Variants in ALS2 observed in about 807,000 individuals in gnomAD.
The protein encoded by ALS2 is alsin Rho guanine nucleotide exchange factor ALS2.
In ALS2, 117 loss-of-function variants were observed where a neutral mutation model predicts 203.4. The ratio of observed to expected loss-of-function variants is 0.58; its 90% CI spans 0.50 to 0.67. The LOEUF (loss-of-function observed/expected upper bound fraction) is 0.67, where lower values mean the gene tolerates loss of function less well. Ranked by LOEUF, ALS2 falls within the 30% of genes least tolerant of loss-of-function variation. The pLI, the probability that ALS2 is intolerant of heterozygous loss-of-function variation, is 0.00. For synonymous variants in ALS2, 718 were observed against 725.9 expected, an observed-to-expected ratio of 0.99 and a Z score of 0.17; for missense variants, 1,715 against 1,989.4, an observed-to-expected ratio of 0.86 and a Z score of 2.62.
chr2:201,720,350 G>C (rs1367413719), intron 23 of ALS2, among the ~76,000 whole-genome samples: 1 of 151,952 alleles, frequency 6.6e-6, no homozygotes, highest in Non-Finnish European at 1.5e-5. Context: ...CATATTAGTA[G>C]AATAAATGAT....
chr2:201,751,995 T>A (rs1693094731), intron 7 of ALS2, among the ~76,000 whole-genome samples: 1 of 152,200 alleles, frequency 6.6e-6, no homozygotes, highest in South Asian at 2.1e-4. Flanking sequence ...TCTGTTGCAT[T>A]GATCTGTTTA....
At position 201,741,506 on chromosome 2, in the gene ALS2, A is replaced by C. The variant is rs532517079; in HGVS notation, c.2351+168T>G. ...AATTTTTTTTCATTTAGAGAAGACT[A>C]AATTTTAGCAATCCAGAACTATAGT... On this transcript the variant is annotated intron_variant, in intron 11 of 33. Transcript: ENST00000264276. The C allele has an allele frequency of 1.7e-5, 12 of 701,918 alleles. 1 individual carries two copies. In the South Asian group the frequency reaches 2.1e-4, roughly 12 times the overall value. 43.5% of individuals were successfully genotyped at this position (701,918 alleles called of 1,614,324 possible). A position where few individuals can be genotyped will look rare whatever the true frequency, so the allele number is the denominator to read the frequency against.
intron 3 of ALS2, among the ~76,000 whole-genome samples, chr2:201,766,411 C>T (rs934384431): frequency 2.0e-5 from 3 of 151,494 alleles, no homozygotes; most frequent in Admixed American, 1.3e-4. Flanking sequence ...TTTGGGAGGT[C>T]GAGGCGGGTG....
intron 1 of ALS2, among the ~76,000 whole-genome samples, chr2:201,779,053 T>G (rs1694781623): frequency 6.6e-6 from 1 of 152,172 alleles, no homozygotes; most frequent in Non-Finnish European, 1.5e-5. Flanking sequence ...GGTAGGAGAT[T>G]CCACCTAATT....
chr2:201,750,420 G>C (rs564615580), intron 7 of ALS2, among the ~76,000 whole-genome samples: 1 of 152,126 alleles, frequency 6.6e-6, no homozygotes, highest in Admixed American at 6.5e-5. Context: ...AGGAATTATC[G>C]TATACTGCCT....
Position 201,754,499 on chromosome 2 carries a change from T to C in ALS2, c.1640+4A>G. Reference sequence around the variant, plus strand: ...TTCTATCGGTAAATGTTGGTAGCGCTTACCTAGGCAGAACATCGCCGTGCC... The same window carrying C: ...TTCTATCGGTAAATGTTGGTAGCGCCTACCTAGGCAGAACATCGCCGTGCC... On this transcript the variant is annotated splice_donor_region_variant and intron_variant, in intron 6 of 33. Transcript: ENST00000264276. The C allele has an allele frequency of 6.2e-7, 1 of 1,614,022 alleles. No individual in the cohort carries two copies. The highest frequency in any genetic ancestry group is 8.5e-7 in the Non-Finnish European group (1 of 1,179,956).
In ALS2 at chr2:201,741,839, G is replaced by T. The variant is rs1404094769; in HGVS notation, c.2186C>A (p.Thr729Lys). The change falls in exon 11 of 34, where the codon ACA becomes AAA. Residue 729 changes from threonine to lysine, a missense_variant. This residue lies in a region of ALS2 where 1,227 missense variants were observed against 1,413.5 expected (regional missense o/e 0.87). Transcript: ENST00000264276. ...PLLSLENLGTTTTVQLLQEVA... is the reference protein window; with the variant it reads ...PLLSLENLGTKTTVQLLQEVA... ...CTCCTGCAACAGCTGGACTGTAGTTGTAGTGCCCAAATTTTCTATAACAAA... is the reference window on the plus strand; with the variant it reads ...CTCCTGCAACAGCTGGACTGTAGTTTTAGTGCCCAAATTTTCTATAACAAA... 9.3e-6 allele frequency: 15 copies of T among 1,613,680 alleles called. No individual in the cohort carries two copies. Among genetic ancestry groups the T allele is most frequent in the Non-Finnish European group, 1.3e-5 (15 of 1,179,698 alleles).
chr2:201,744,463 A>T, intron 9 of ALS2, 34 bp from the exon 10 acceptor site: 1 of 1,595,530 alleles, frequency 6.3e-7, no homozygotes, highest in Non-Finnish European at 8.6e-7. Flanking sequence ...ATTAAATATA[A>T]CATATAATTA....
intron 15 of ALS2, among the ~76,000 whole-genome samples, chr2:201,728,212 A>C (rs1207141599): frequency 6.6e-6 from 1 of 152,112 alleles, no homozygotes; most frequent in Non-Finnish European, 1.5e-5. Flanking sequence ...CGTCACTTAC[A>C]TTAGGTGTAT....
intron 7 of ALS2, 50 bp downstream of exon 7, chr2:201,753,096 G>A (rs1693164197): frequency 7.0e-7 from 1 of 1,426,694 alleles, no homozygotes. Context: ...ACAATGTCAT[G>A]TTGGCCTTCC....
chr2:201,758,241 T>C (rs1390885893), intron 4 of ALS2, among the ~76,000 whole-genome samples: 1 of 152,140 alleles, frequency 6.6e-6, no homozygotes, highest in Non-Finnish European at 1.5e-5. Context: ...AAAAAAAAGC[T>C]TTCCCTGAAA....
At chr2:201,731,199 A>G (rs899923855) in intron 13 of ALS2, among the ~76,000 whole-genome samples, 1 of 152,212 alleles carries the variant, frequency 6.6e-6, no homozygotes, top group Non-Finnish European at 1.5e-5. Context: ...GAAACATTTA[A>G]TGAGTATCTA....
intron 23 of ALS2, chr2:201,720,122 A>C: frequency 2.3e-6 from 1 of 437,232 alleles, no homozygotes; most frequent in Middle Eastern, 3.4e-4. Flanking sequence ...ATGAGGCCAG[A>C]ATTATCCTGA....
At chr2:201,760,555 TTAAAC>T in intron 4 of ALS2, 1 of 1,085,194 alleles carries the variant, frequency 9.2e-7, no homozygotes, top group Non-Finnish European at 1.1e-6. Context: ...TCTAGTTATA[TTAAAC>T]TATTCAGGGC....
intron 23 of ALS2, chr2:201,720,277 G>C (rs1225662560): frequency 6.2e-5 from 19 of 304,444 alleles, no homozygotes. Flanking sequence ...CCATGACCAA[G>C]TACAATTCAT....
In ALS2 at chr2:201,757,440, C is replaced by T; in HGVS notation, c.1433G>A (p.Gly478Asp). 1 of 1,613,840 alleles carries T rather than the reference C, an allele frequency of 6.2e-7. No individual in the cohort carries two copies. The change falls in exon 5 of 34, where the codon GGC (glycine) becomes GAC (aspartate). Residue 478 changes from glycine (G) to aspartate (D), a missense_variant. By Grantham distance (94) the Gly-to-Asp change is moderately conservative. Around this residue, in one of 3 missense-constraint regions of ALS2, gnomAD observed 12 missense variants for 36.6 expected, o/e 0.33. Coordinates refer to ENST00000264276, the MANE Select transcript of ALS2 (RefSeq NM_020919.4). ...TCCAGGGAGGGAGAGTCTTCGACTG[C>T]CTCCCTCTGTTTCTTCTTCTCTGAT... is the stretch of plus-strand genomic sequence containing the variant. ...VDIREEETEG[G>D]SRRLSLPGLL...
In ALS2 at chr2:201,726,991, G is replaced by A. The variant is rs151276446; in HGVS notation, c.2980-125C>T. The stretch of plus-strand genomic sequence containing the variant: ...TCCTAATGCTTTTCTTATTAATAGA[G>A]TAATATTGACTGGCTCTTGTATTTC... On this transcript the variant is annotated intron_variant, in intron 17 of 33. Coordinates refer to ENST00000264276, the MANE Select transcript of ALS2 (RefSeq NM_020919.4). 2.5e-5 allele frequency: 23 copies of A among 937,350 alleles called. No homozygotes were observed. In the East Asian group the frequency reaches 5.2e-4, roughly 21 times the overall value. The allele number at this position is 937,350 out of a possible 1,614,324, so 58.1% of individuals were successfully genotyped here.
At chr2:201,741,636 C>T in intron 11 of ALS2, 38 bp downstream of exon 11, 1 of 1,598,824 alleles carries the variant, frequency 6.3e-7, no homozygotes, top group Non-Finnish European at 8.6e-7. Flanking sequence ...CAGAATAACC[C>T]TGCAGAGATT....
rs766500168 is a variant in ALS2 at position 201,757,641 on chromosome 2, T to C, written c.1232A>G (p.Tyr411Cys). 2 of 1,614,064 alleles carry C rather than the reference T, an allele frequency of 1.2e-6. No individual in the cohort carries two copies. Among genetic ancestry groups the C allele is most frequent in the African/African-American group, 2.7e-5 (2 of 74,930 alleles). Residue 411 changes from tyrosine (Y) to cysteine (C), a missense_variant, in exon 5 of 34, where the codon TAT (tyrosine) becomes TGT (cysteine). Physicochemically the swap from Tyr to Cys is radical, Grantham distance 194 (BLOSUM62 -2). Transcript: ENST00000264276. ...SAVGVRVAAT[Y>C]EAGALSLKKV... ...CTTCAGTGACAAGGCACCAGCTTCA[T>C]AAGTAGCAGCCACTCTCACACCAAC... is the stretch of plus-strand genomic sequence containing the variant.
Sources: gnomAD v4.1 joint callset for allele counts (sites outside exome capture counted in the v4.1 genomes callset) on GRCh38, gnomAD v4.1.1 for gene constraint, gnomAD v4.1.1 regional missense constraint, MANE v1.5 for transcripts, NCBI Gene and HGNC (gene_info 2026-07-23, HGNC 2026-07-21) for gene names.